C8orf34: variants seen among roughly 807,000 people sequenced by gnomAD.
C8orf34 encodes uncharacterized protein C8orf34.
Under a neutral mutation model 68.3 loss-of-function variants are expected in C8orf34, and 65 were observed. The ratio of observed to expected loss-of-function variants is 0.95; its 90% CI spans 0.78 to 1.17. C8orf34 has a LOEUF of 1.17. Among genes scored for constraint, C8orf34 ranks in the 50% most tolerant of loss-of-function variants. The pLI is 0.00. For synonymous variants in C8orf34, 244 were observed against 241.2 expected (o/e 1.01, Z -0.11); for missense variants, 664 against 655.4 (o/e 1.01, Z -0.14).
At chr8:68,793,877 A>G (rs1313965616) in intron 12 of C8orf34, among the ~76,000 whole-genome samples, 1 of 152,224 alleles carries the variant, frequency 6.6e-6, no homozygotes, top group Non-Finnish European at 1.5e-5. Context: ...TTCCAATAGA[A>G]AACAGGAAAT....
chr8:68,443,947 T>A (rs985899831), intron 2 of C8orf34, among the ~76,000 whole-genome samples: 17 of 117,814 alleles, frequency 1.4e-4, no homozygotes, highest in Middle Eastern at 3.7e-3. Flanking sequence ...TACTTATGAA[T>A]TTTTTTTTAC....
intron 1 of C8orf34, among the ~76,000 whole-genome samples, chr8:68,373,660 C>T (rs918626364): frequency 6.6e-6 from 1 of 152,012 alleles, no homozygotes; most frequent in Non-Finnish European, 1.5e-5. Context: ...CTTTAAGTTA[C>T]TATATATTTA....
intron 1 of C8orf34, among the ~76,000 whole-genome samples, chr8:68,339,404 A>G (rs770952892): frequency 6.6e-6 from 1 of 152,028 alleles, no homozygotes; most frequent in African/African-American, 2.4e-5. Context: ...AGTACCATTT[A>G]TAATGGTATT....
chr8:68,703,122 T>C (rs527640908), intron 8 of C8orf34, among the ~76,000 whole-genome samples: 10 of 152,136 alleles, frequency 6.6e-5, no homozygotes, highest in Non-Finnish European at 1.3e-4. Flanking sequence ...GCCAGAGACT[T>C]TTCAGCAACA....
intron 7 of C8orf34, chr8:68,534,650 T>C (rs1405621853): frequency 1.0e-6 from 1 of 985,340 alleles, no homozygotes; most frequent in Non-Finnish European, 1.2e-6. Context: ...GGTGTGGTCA[T>C]TGTAGGTTTG....
At chr8:68,517,194 A>G (rs558916586) in intron 5 of C8orf34, among the ~76,000 whole-genome samples, 1 of 152,300 alleles carries the variant, frequency 6.6e-6, no homozygotes, top group South Asian at 2.1e-4. Flanking sequence ...AGTGTTTAGA[A>G]CTGCTGTCTT....
chr8:68,807,615 ATTC>A (rs796806287), intron 12 of C8orf34, among the ~76,000 whole-genome samples: 8 of 152,068 alleles, frequency 5.3e-5, no homozygotes, highest in African/African-American at 1.9e-4. Flanking sequence ...GGGTGTTTCT[ATTC>A]TTTGGTGTTT....
intron 7 of C8orf34, among the ~76,000 whole-genome samples, chr8:68,587,180 TCACA>T (rs1817234613): frequency 6.6e-6 from 1 of 152,094 alleles, no homozygotes; most frequent in African/African-American, 2.4e-5. Flanking sequence ...TTTCTTGGGG[TCACA>T]CTTCTCCAGT....
chr8:68,429,272 T>C (rs1314818748), intron 1 of C8orf34, among the ~76,000 whole-genome samples: 2 of 151,998 alleles, frequency 1.3e-5, no homozygotes, highest in Non-Finnish European at 2.9e-5. Context: ...AAAAAGAGGG[T>C]ATCTGAAGGA....
chr8:68,371,100 G>A (rs1181513373), intron 1 of C8orf34, among the ~76,000 whole-genome samples: 3 of 152,116 alleles, frequency 2.0e-5, no homozygotes, highest in Admixed American at 6.5e-5. Context: ...AGGAGAGCAA[G>A]CTGCTTCTGC....
chr8:68,459,384 C>A (rs145068242), intron 3 of C8orf34, among the ~76,000 whole-genome samples: 326 of 152,196 alleles, frequency 2.1e-3, no homozygotes, highest in African/African-American at 7.1e-3. Flanking sequence ...TGCGTGCCAC[C>A]ACGTCCAGCT....
At chr8:68,422,387 T>G (rs550844448) in intron 1 of C8orf34, among the ~76,000 whole-genome samples, 1 of 152,190 alleles carries the variant, frequency 6.6e-6, no homozygotes, top group African/African-American at 2.4e-5. Flanking sequence ...ACAGGCCCCA[T>G]GCAAGTCCGA....
At chr8:68,426,780 A>G (rs111924492) in intron 1 of C8orf34, among the ~76,000 whole-genome samples, 2,173 of 152,004 alleles carry the variant, frequency 0.014, 25 homozygotes, top group Non-Finnish European at 0.023. Flanking sequence ...GAGGCAGGAG[A>G]ATCCCTTGAA....
chr8:68,468,456 G>A (rs1415592869), intron 3 of C8orf34, among the ~76,000 whole-genome samples: 1 of 151,958 alleles, frequency 6.6e-6, no homozygotes, highest in African/African-American at 2.4e-5. Flanking sequence ...GTTAATACCT[G>A]AATTTTCTTT....
At position 68,553,401 on chromosome 8, in the gene C8orf34, A is replaced by AC; in HGVS notation, c.1105+20252_1105+20253insC. 6.0e-5 allele frequency among the ~76,000 whole-genome samples: 9 copies of AC among 150,396 alleles called. 1 individual carries two copies. The highest frequency in any genetic ancestry group is 1.7e-4 in the African/African-American group (7 of 40,480). ...CTCCATCTCAAAAAAAAAAAAAAAA[A>AC]AAAAAAAAACATATCCTCCACTCAT... On this transcript the variant is annotated intron_variant, in intron 7 of 13. Transcript: ENST00000518698.
chr8:68,474,323 A>G (rs942510065), intron 4 of C8orf34, among the ~76,000 whole-genome samples: 1 of 152,006 alleles, frequency 6.6e-6, no homozygotes, highest in African/African-American at 2.4e-5. Flanking sequence ...ATCCTTCCAA[A>G]CTGGAACCCT....
At chr8:68,810,949 C>G (rs1321851866) in intron 12 of C8orf34, among the ~76,000 whole-genome samples, 51 of 152,188 alleles carry the variant, frequency 3.4e-4, no homozygotes, top group Admixed American at 3.3e-3. Flanking sequence ...ACTGGCAGCC[C>G]AGCCCCCAGG....
At chr8:68,804,601 C>A (rs544215745) in intron 12 of C8orf34, among the ~76,000 whole-genome samples, 1 of 151,822 alleles carries the variant, frequency 6.6e-6, no homozygotes, top group Non-Finnish European at 1.5e-5. Context: ...GGCAACATGG[C>A]GAAACCCCAT....
chr8:68,439,026 T>C (rs1238280408), intron 1 of C8orf34: 1 of 152,254 alleles, frequency 6.6e-6, no homozygotes, highest in African/African-American at 2.4e-5. Context: ...TTATTACTTG[T>C]TCCTTTAATT....
Sources: gnomAD v4.1 joint callset for allele counts (sites outside exome capture counted in the v4.1 genomes callset) on GRCh38, gnomAD v4.1.1 for gene constraint, MANE v1.5 for transcripts, NCBI Gene and HGNC (gene_info 2026-07-23, HGNC 2026-07-21) for gene names.